MOG: variants seen among roughly 807,000 people sequenced by gnomAD.
MOG encodes myelin oligodendrocyte glycoprotein, also known as myelin-oligodendrocyte glycoprotein.
A neutral mutation model predicts 35.9 loss-of-function variants in MOG; 20 were observed. That is an observed-to-expected ratio of 0.56 (90% CI 0.39 to 0.81). The LOEUF (loss-of-function observed/expected upper bound fraction) is 0.81. Among genes scored for constraint, MOG ranks in the 30% least tolerant of loss-of-function variants. The probability of loss-of-function intolerance (pLI) is 0.00; values close to 1 mark genes in which losing one functional copy is unlikely to be tolerated. For synonymous variants in MOG, 92 were observed against 114.3 expected (o/e 0.80, Z 1.25); for missense variants, 251 against 301.0 (o/e 0.83, Z 1.23).
At chr6:29,663,093 C>A (rs1451060629) in intron 2 of MOG, among the ~76,000 whole-genome samples, 1 of 152,066 alleles carries the variant, frequency 6.6e-6, no homozygotes, top group East Asian at 1.9e-4. Flanking sequence ...CATGGTGAAA[C>A]CCCATTTCTA....
Position 29,671,252 on chromosome 6 carries a change from C to T in MOG, c.*67C>T. On this transcript the variant is annotated 3_prime_UTR_variant, in exon 8 of 8. Transcript: ENST00000376917. ...CCCAGGGATTTGTCCTTGGGGACATCTCATCCATCAAGTTGCACACTCACT... is the reference window on the plus strand; with the variant it reads ...CCCAGGGATTTGTCCTTGGGGACATTTCATCCATCAAGTTGCACACTCACT... The T allele has an allele frequency of 1.9e-6, 3 of 1,612,278 alleles. No individual in the cohort carries two copies. The highest frequency in any genetic ancestry group is 1.3e-5 in the African/African-American group (1 of 75,046).
chr6:29,659,812 C>A, intron 2 of MOG, 146 bp downstream of exon 2: 1 of 724,298 alleles, frequency 1.4e-6, no homozygotes, highest in Non-Finnish European at 2.4e-6. Flanking sequence ...AACAGAAACT[C>A]ATGCTTAGGG....
At chr6:29,664,668 G>A (rs1376582543) in intron 2 of MOG, 2 of 449,638 alleles carry the variant, frequency 4.4e-6, no homozygotes, top group Non-Finnish European at 8.9e-6. Flanking sequence ...GCAGTGGCAC[G>A]ATCATGGCTC....
rs758123220 is a variant in MOG, at chr6:29,667,888, T to A, written c.572-16T>A. The A allele has an allele frequency of 6.2e-7, 1 of 1,613,736 alleles. No homozygotes were observed. The highest frequency in any genetic ancestry group is 1.1e-5 in the South Asian group (1 of 91,082). ...GAGTGCCCTACTAAATCCATTTCCA[T>A]TTGTTTCTCTTTCAGAGAATCTCCA... On this transcript the variant is annotated splice_polypyrimidine_tract_variant and intron_variant, in intron 4 of 7. Transcript: ENST00000376917.
chr6:29,664,893 G>A (rs181919872), intron 2 of MOG: 203 of 257,140 alleles, frequency 7.9e-4, no homozygotes, highest in African/African-American at 4.5e-3. Context: ...TTACAGGGGA[G>A]AGCCACCACA....
At chr6:29,660,269 C>T (rs931520018) in intron 2 of MOG, among the ~76,000 whole-genome samples, 6 of 151,894 alleles carry the variant, frequency 4.0e-5, no homozygotes, top group African/African-American at 1.5e-4. Context: ...CGCCTGTAAT[C>T]CCAGCACTGT....
chr6:29,666,065 T>G, intron 2 of MOG, 87 bp from the exon 3 acceptor site: 1 of 854,116 alleles, frequency 1.2e-6, no homozygotes, highest in Non-Finnish European at 2.1e-6. Context: ...ACTTCTTTAT[T>G]TGACCTGATT....
intron 2 of MOG, chr6:29,661,863 C>G: frequency 1.0e-6 from 1 of 982,804 alleles, no homozygotes; most frequent in Non-Finnish European, 1.2e-6. Flanking sequence ...AGAAAAGCAG[C>G]TAAAGACTTT....
intron 4 of MOG, 106 bp downstream of exon 4, chr6:29,667,769 C>T: frequency 6.5e-7 from 1 of 1,532,066 alleles, no homozygotes; most frequent in South Asian, 1.1e-5. Flanking sequence ...CCCTGTTTTC[C>T]CCTCAGTTTC....
intron 5 of MOG, among the ~76,000 whole-genome samples, chr6:29,669,213 GC>G (rs1346965866): frequency 6.6e-6 from 1 of 151,942 alleles, no homozygotes; most frequent in African/African-American, 2.4e-5. Context: ...GAGCCACCGT[GC>G]CCGGCCATAA....
intron 2 of MOG, chr6:29,664,788 G>C (rs2907895): frequency 0.063 from 21,224 of 335,328 alleles, 1,035 homozygotes; most frequent in East Asian, 0.16. Context: ...ATTTTTTTTC[G>C]TAGAGGCAGG....
At chr6:29,667,757 TA>T in intron 4 of MOG, 94 bp downstream of exon 4, 1 of 1,549,796 alleles carries the variant, frequency 6.5e-7, no homozygotes, top group Non-Finnish European at 8.9e-7. Context: ...TCCCTCTCAA[TA>T]CCCTGTTTTC....
intron 2 of MOG, among the ~76,000 whole-genome samples, chr6:29,661,005 G>A (rs75028453): frequency 0.079 from 12,016 of 152,204 alleles, 699 homozygotes; most frequent in African/African-American, 0.16. Context: ...CATGGTGCCC[G>A]GCCTCAGAAT....
intron 3 of MOG, among the ~76,000 whole-genome samples, chr6:29,666,580 G>C (rs1415732583): frequency 6.6e-6 from 1 of 152,178 alleles, no homozygotes; most frequent in Non-Finnish European, 1.5e-5. Context: ...ATAAGTGGTA[G>C]AGCTGAGGCC....
chr6:29,667,537 C>A, intron 3 of MOG, 106 bp from the exon 4 acceptor site: 1 of 1,128,642 alleles, frequency 8.9e-7, no homozygotes, highest in Non-Finnish European at 1.4e-6. Flanking sequence ...TGTTTCCAGG[C>A]TGCAGAGAAA....
chr6:29,662,976 A>G lies in MOG; in HGVS notation c.437-3176A>G, dbSNP rs368351403. Among the ~76,000 whole-genome samples the G allele has an allele frequency of 5.9e-5, 9 of 152,162 alleles. No homozygotes were observed. In the East Asian group the frequency reaches 1.5e-3, roughly 26 times the overall value. Reference sequence around the variant, plus strand: ...CTGCACCCAGCGAAGAACACTTTTTAAAAAATAAATAGGCCGGGCGCGGTG... The same window carrying G: ...CTGCACCCAGCGAAGAACACTTTTTGAAAAATAAATAGGCCGGGCGCGGTG... On this transcript the variant is annotated intron_variant, in intron 2 of 7. Coordinates refer to ENST00000376917, the MANE Select transcript of MOG (RefSeq NM_206809.4). This position sits in a 1 kb window ranked among gnomAD's most constrained non-coding sequence, Gnocchi z 4.2.
chr6:29,666,109 GA>G (rs1770150245), intron 2 of MOG, 42 bp from the exon 3 acceptor site: 2 of 1,241,376 alleles, frequency 1.6e-6, no homozygotes, highest in Non-Finnish European at 2.4e-6. Context: ...GAGTGTTGGG[GA>G]TTCAGCTCTG....
chr6:29,668,712 A>G (rs1433627343), intron 5 of MOG, among the ~76,000 whole-genome samples: 1 of 152,200 alleles, frequency 6.6e-6, no homozygotes, highest in Non-Finnish European at 1.5e-5. Flanking sequence ...GAGGAGGAAT[A>G]GTATCTTTGT....
At chr6:29,666,450 A>G (rs1232507633) in intron 3 of MOG, among the ~76,000 whole-genome samples, 185 bp downstream of exon 3, 1 of 152,214 alleles carries the variant, frequency 6.6e-6, no homozygotes, top group Non-Finnish European at 1.5e-5. Flanking sequence ...ATGCTTTCAT[A>G]TGAATAATCG....
Sources: allele counts gnomAD v4.1 joint callset (sites outside exome capture counted in the v4.1 genomes callset), GRCh38; gene constraint gnomAD v4.1.1; non-coding constraint Gnocchi (gnomAD v3.1); transcripts MANE v1.5; gene names NCBI Gene and HGNC (gene_info 2026-07-23, HGNC 2026-07-21).